UTP20: variants seen among roughly 807,000 people sequenced by gnomAD.
UTP20 encodes UTP20 small subunit processome component.
In UTP20, 164 loss-of-function variants were observed where a neutral mutation model predicts 329.5. The ratio of observed to expected loss-of-function variants is 0.50; its 90% CI spans 0.44 to 0.57. The LOEUF is 0.57. Ranked by LOEUF, UTP20 falls within the 20% of genes least tolerant of loss-of-function variation. UTP20 has a pLI of 0.00. For missense variants in UTP20, 3,055 were observed against 3,284.2 expected (o/e 0.93, Z 1.71); for synonymous variants, 1,151 against 1,159.3 (o/e 0.99, Z 0.14).
At chr12:101,334,310 T>A in intron 28 of UTP20, 115 bp from the exon 29 acceptor site, 1 of 812,866 alleles carries the variant, frequency 1.2e-6, no homozygotes, top group Admixed American at 2.6e-5. Context: ...GATGTTCATC[T>A]CTGTCCCTTG....
intron 43 of UTP20, among the ~76,000 whole-genome samples, chr12:101,357,466 A>AG (rs1371034783): frequency 6.6e-6 from 1 of 152,200 alleles, no homozygotes; most frequent in Admixed American, 6.5e-5. Flanking sequence ...TTACAAAATA[A>AG]GGGGCTGGGT....
chr12:101,368,660 C>A (rs1870179116), intron 48 of UTP20, among the ~76,000 whole-genome samples: 1 of 152,156 alleles, frequency 6.6e-6, no homozygotes, highest in African/African-American at 2.4e-5. Context: ...ACTATTACTG[C>A]TCCATGCTAT....
Position 101,386,060 on chromosome 12 carries a change from T to C in UTP20, c.8295T>C (p.Arg2765=). 6.2e-7 allele frequency: 1 copy of C among 1,608,322 alleles called. No individual in the cohort carries two copies. ...EAKKRKIEFL[R]PGYKAKRQKS... is the part of the protein sequence containing the mutation. ...AGAAGAGAAAGATAGAGTTCCTGCGTCCAGGATATAAGGCCAAGAGACAAA... is the reference window on the plus strand; with the variant it reads ...AGAAGAGAAAGATAGAGTTCCTGCGCCCAGGATATAAGGCCAAGAGACAAA... The change falls in exon 62 of 62, where the codon CGT becomes CGC. Residue 2765 remains arginine (R), a synonymous_variant. Coordinates refer to ENST00000261637, the MANE Select transcript of UTP20 (RefSeq NM_014503.3).
At chr12:101,360,348 A>G (rs1009604532) in intron 43 of UTP20, among the ~76,000 whole-genome samples, 1 of 152,222 alleles carries the variant, frequency 6.6e-6, no homozygotes. Context: ...CAAAACCAGC[A>G]TGATAACATA....
chr12:101,303,131 A>AT (rs1387809538), intron 15 of UTP20, among the ~76,000 whole-genome samples: 4 of 152,172 alleles, frequency 2.6e-5, no homozygotes, highest in African/African-American at 9.7e-5. Context: ...AGTCTACTCC[A>AT]TTTTATTTCC....
At chr12:101,328,761 T>G (rs1161595260) in intron 26 of UTP20, among the ~76,000 whole-genome samples, 1 of 150,234 alleles carries the variant, frequency 6.7e-6, no homozygotes, top group Non-Finnish European at 1.5e-5. Context: ...CCCAGCTACT[T>G]GGGAAGCTGA....
At chr12:101,341,901 T>C (rs60884684) in intron 32 of UTP20, among the ~76,000 whole-genome samples, 2,838 of 152,082 alleles carry the variant, frequency 0.019, 51 homozygotes, top group African/African-American at 0.049. Context: ...TGAGACTCCA[T>C]CTCAAAAAAT....
intron 21 of UTP20, 148 bp downstream of exon 21, chr12:101,312,424 T>A: frequency 8.2e-7 from 1 of 1,220,736 alleles, no homozygotes; most frequent in Non-Finnish European, 1.1e-6. Context: ...GTATTTTTTG[T>A]TTGTTTGTTT....
intron 18 of UTP20, among the ~76,000 whole-genome samples, chr12:101,308,730 CTA>C (rs1328644113): frequency 1.6e-5 from 2 of 122,148 alleles, no homozygotes; most frequent in African/African-American, 3.8e-5. Context: ...CATCAGCTCT[CTA>C]TGTTTTTTTT....
At chr12:101,380,877 A>C (rs1311094154) in intron 57 of UTP20, among the ~76,000 whole-genome samples, 1 of 151,576 alleles carries the variant, frequency 6.6e-6, no homozygotes, top group East Asian at 1.9e-4. Context: ...AAAAAAAAAA[A>C]AAAAAAAAAT....
At position 101,386,211 on chromosome 12, in the gene UTP20, CGTT is replaced by C; in HGVS notation, c.*89_*91del. The stretch of plus-strand genomic sequence containing the variant: ...TAGGTTGTCTGGGGTAGGGGGGAGG[CGTT>C]TTTTTTTTTTTTTGAGACAAGGTCT... On this transcript the variant is annotated 3_prime_UTR_variant, in exon 62 of 62. Transcript: ENST00000261637. The C allele has an allele frequency of 1.7e-6, 2 of 1,153,290 alleles. No homozygotes were observed. Among genetic ancestry groups the C allele is most frequent in the Admixed American group, 2.7e-5 (1 of 36,684 alleles). The allele number at this position is 1,153,290 out of a possible 1,614,324, so 71.4% of individuals were successfully genotyped here. A position where few individuals can be genotyped will look rare whatever the true frequency, so the allele number is the denominator to read the frequency against.
At chr12:101,288,895 C>A in intron 5 of UTP20, 65 bp from the exon 6 acceptor site, 1 of 1,389,194 alleles carries the variant, frequency 7.2e-7, no homozygotes, top group Non-Finnish European at 1.0e-6. Flanking sequence ...ATATTGTTGA[C>A]ATGTAGTATG....
At chr12:101,290,616 C>G in intron 7 of UTP20, 117 bp from the exon 8 acceptor site, 1 of 1,183,614 alleles carries the variant, frequency 8.4e-7, no homozygotes, top group Non-Finnish European at 1.1e-6. Context: ...TTGCCATATC[C>G]TTGACTATTC....
In UTP20 at chr12:101,381,205, A is replaced by G. The variant is rs748583971; in HGVS notation, c.7650A>G (p.Gly2550=). 4 of 1,612,434 alleles carry G rather than the reference A, an allele frequency of 2.5e-6. No homozygotes were observed. In the East Asian group the frequency reaches 8.9e-5, roughly 36 times the overall value. The change falls in exon 58 of 62, where the codon GGA becomes GGG. Residue 2550 remains glycine, a synonymous_variant. Transcript: ENST00000261637. ...CCAAATTCTTGGATCAGTCTCTAGGAGAACAGGTAAGAATTGTAGTTCTCC... is the reference window on the plus strand; with the variant it reads ...CCAAATTCTTGGATCAGTCTCTAGGGGAACAGGTAAGAATTGTAGTTCTCC... The part of the protein sequence containing the change: ...LHSKFLDQSL[G]EQVVKNLLFA...
chr12:101,340,549 A>C lies in UTP20; in HGVS notation c.4040A>C (p.Glu1347Ala), dbSNP rs1368396871. The stretch of plus-strand genomic sequence containing the variant: ...ATCAGCAAGTTTATGAAAGACAAAG[A>C]ACAAAGTTCTGTACTCATTACGCTT... ...SKISKFMKDK[E>A]QSSVLITLLL... The change falls in exon 32 of 62, where the codon GAA becomes GCA. Residue 1347 changes from glutamate (E) to alanine (A), a missense_variant. Physicochemically the swap from Glu to Ala is moderately radical, Grantham distance 107 (BLOSUM62 -1). This residue lies in a region of UTP20 where 2,445 missense variants were observed against 2,575.5 expected (regional missense o/e 0.95). Coordinates refer to ENST00000261637, the MANE Select transcript of UTP20 (RefSeq NM_014503.3). 1 of 1,609,924 alleles carries C rather than the reference A, an allele frequency of 6.2e-7. No homozygotes were observed. Among genetic ancestry groups the C allele is most frequent in the East Asian group, 2.2e-5 (1 of 44,788 alleles).
intron 21 of UTP20, among the ~76,000 whole-genome samples, chr12:101,315,143 C>CA (rs760236940): frequency 1.6e-4 from 24 of 151,776 alleles, no homozygotes; most frequent in Non-Finnish European, 2.9e-4. Context: ...GATACCAGTG[C>CA]AAGTGATCCA....
At chr12:101,309,912 C>T in intron 19 of UTP20, 73 bp downstream of exon 19, 5 of 1,355,846 alleles carry the variant, frequency 3.7e-6, no homozygotes, top group Non-Finnish European at 4.2e-6. Flanking sequence ...AGATTATTCT[C>T]CTTCTGGGTG....
At chr12:101,344,875 G>T in intron 36 of UTP20, 125 bp downstream of exon 36, 4 of 464,778 alleles carry the variant, frequency 8.6e-6, no homozygotes, top group East Asian at 5.5e-5. Flanking sequence ...ACTTGGTTGA[G>T]TAAATAGTCA....
At chr12:101,328,804 G>C (rs1366869781) in intron 26 of UTP20, among the ~76,000 whole-genome samples, 1 of 150,706 alleles carries the variant, frequency 6.6e-6, no homozygotes, top group African/African-American at 2.4e-5. Context: ...GGGAGGCAGA[G>C]ATTGCAGTGA....
Sources: allele counts gnomAD v4.1 joint callset (sites outside exome capture counted in the v4.1 genomes callset), GRCh38; gene constraint gnomAD v4.1.1; regional missense constraint gnomAD v4.1.1; transcripts MANE v1.5; gene names NCBI Gene and HGNC (gene_info 2026-07-23, HGNC 2026-07-21).